MAN2A1: variants seen among roughly 807,000 people sequenced by gnomAD.
The protein encoded by MAN2A1 is mannosidase alpha class 2A member 1.
Under a neutral mutation model 142.6 loss-of-function variants are expected in MAN2A1, and 76 were observed. The ratio of observed to expected loss-of-function variants is 0.53; its 90% CI spans 0.44 to 0.65. MAN2A1 has a LOEUF of 0.65. MAN2A1 is among the 30% of genes least tolerant of loss of function. The pLI, the probability that MAN2A1 is intolerant of heterozygous loss-of-function variation, is 0.00. For missense variants in MAN2A1, 1,311 were observed against 1,365.1 expected, an observed-to-expected ratio of 0.96 and a Z score of 0.62; for synonymous variants, 559 against 473.2, an observed-to-expected ratio of 1.18 and a Z score of -2.35.
chr5:109,718,246 C>A (rs958693106), intron 3 of MAN2A1, among the ~76,000 whole-genome samples: 2 of 152,040 alleles, frequency 1.3e-5, no homozygotes, highest in Non-Finnish European at 2.9e-5. Context: ...CATATGAAGC[C>A]CACTTCTTCC....
intron 16 of MAN2A1, among the ~76,000 whole-genome samples, chr5:109,825,021 A>G (rs1754720831): frequency 6.6e-6 from 1 of 152,208 alleles, no homozygotes; most frequent in South Asian, 2.1e-4. Context: ...ATAATGCTAG[A>G]CACTAATTTT....
intron 5 of MAN2A1, 116 bp from the exon 6 acceptor site, chr5:109,767,419 C>A (rs1350080037): frequency 2.6e-6 from 2 of 779,516 alleles, no homozygotes; most frequent in Non-Finnish European, 4.0e-6. Context: ...CTGGGTAGAT[C>A]CTTGGTCTGA....
intron 4 of MAN2A1, among the ~76,000 whole-genome samples, chr5:109,734,099 A>G (rs1028313011): frequency 6.6e-6 from 1 of 151,964 alleles, no homozygotes; most frequent in Non-Finnish European, 1.5e-5. Flanking sequence ...GGGAGGGTGT[A>G]TGTGTCCAGG....
chr5:109,846,846 GC>G (rs923580953), intron 18 of MAN2A1, among the ~76,000 whole-genome samples: 1 of 152,074 alleles, frequency 6.6e-6, no homozygotes, highest in African/African-American at 2.4e-5. Flanking sequence ...ATAAACTCAT[GC>G]CATAAAGACA....
At chr5:109,757,645 T>G (rs1271021737) in intron 5 of MAN2A1, among the ~76,000 whole-genome samples, 1 of 152,150 alleles carries the variant, frequency 6.6e-6, no homozygotes, top group African/African-American at 2.4e-5. Context: ...TTTTAGAACT[T>G]TTTTCAACAT....
At chr5:109,834,306 C>T (rs1333998022) in intron 16 of MAN2A1, among the ~76,000 whole-genome samples, 1 of 152,092 alleles carries the variant, frequency 6.6e-6, no homozygotes, top group Non-Finnish European at 1.5e-5. Flanking sequence ...TTATTCACCT[C>T]GTAGGGGAGT....
chr5:109,804,326 T>G (rs1055815769), intron 12 of MAN2A1: 1 of 969,512 alleles, frequency 1.0e-6, no homozygotes, highest in Non-Finnish European at 1.2e-6. Flanking sequence ...TATTTCATCC[T>G]TATTCAGAGA....
At chr5:109,691,266 A>T (rs1028792129) in intron 1 of MAN2A1, among the ~76,000 whole-genome samples, 2 of 152,122 alleles carry the variant, frequency 1.3e-5, no homozygotes, top group Admixed American at 6.5e-5. Flanking sequence ...ACCCATCCAA[A>T]GTCTTATTTA....
rs533140064 is a variant in MAN2A1 at position 109,713,822 on chromosome 5, T to C, written c.390+48T>C. On this transcript the variant is annotated intron_variant, in intron 2 of 21. Transcript: ENST00000261483. Reference sequence around the variant, plus strand: ...ATCACTGGCCTTTTTTTTTTTTTGTTCTTTTTAAGATTTGACCTGATGTCT... The same window carrying C: ...ATCACTGGCCTTTTTTTTTTTTTGTCCTTTTTAAGATTTGACCTGATGTCT... 3 of 1,531,904 alleles carry C rather than the reference T, an allele frequency of 2.0e-6. No individual in the cohort carries two copies. In the East Asian group the frequency reaches 6.8e-5, roughly 35 times the overall value. 94.9% of individuals were successfully genotyped at this position (1,531,904 alleles called of 1,614,324 possible).
chr5:109,819,854 T>A lies in MAN2A1; in HGVS notation c.2295T>A (p.Val765=). ...EEGITLENSF[V]LLRFDQTGLM... ...GTATAACACTAGAGAACTCCTTTGT[T>A]TTACTTCGGTTTGATCAAACTGGAC... Residue 765 remains valine, a synonymous_variant, in exon 14 of 22, where the codon GTT becomes GTA. Coordinates refer to ENST00000261483, the MANE Select transcript of MAN2A1 (RefSeq NM_002372.4). The A allele has an allele frequency of 6.2e-7, 1 of 1,601,706 alleles. No individual in the cohort carries two copies. Among genetic ancestry groups the A allele is most frequent in the Non-Finnish European group, 8.5e-7 (1 of 1,175,250 alleles).
At chr5:109,789,089 T>G (rs763964085) in intron 11 of MAN2A1, 41 bp downstream of exon 11, 5 of 1,036,072 alleles carry the variant, frequency 4.8e-6, no homozygotes, top group Non-Finnish European at 7.3e-6. Flanking sequence ...AATGTGTAAT[T>G]CCATTGTTCT....
chr5:109,807,877 A>G (rs980012792), intron 12 of MAN2A1, among the ~76,000 whole-genome samples: 1 of 152,188 alleles, frequency 6.6e-6, no homozygotes, highest in Admixed American at 6.5e-5. Context: ...TGCCTAAGCT[A>G]TCAACTTGAA....
In MAN2A1 at chr5:109,813,326, T is replaced by G. The variant is rs146139458; in HGVS notation, c.1944-3947T>G. On this transcript the variant is annotated intron_variant, in intron 12 of 21. Coordinates refer to ENST00000261483, the MANE Select transcript of MAN2A1 (RefSeq NM_002372.4). ...ACTAAGGGAATCTCCACAGGAAACTTCAGCTGTCACAACTGTCACAAAGAT... is the reference window on the plus strand; with the variant it reads ...ACTAAGGGAATCTCCACAGGAAACTGCAGCTGTCACAACTGTCACAAAGAT... Among the ~76,000 whole-genome samples, 979 of 152,340 alleles carry G rather than the reference T, an allele frequency of 6.4e-3. 7 individuals are homozygous for G. Among genetic ancestry groups the G allele is most frequent in the Admixed American group, 0.025 (389 of 15,300 alleles).
chr5:109,690,884 C>G (rs571428845), intron 1 of MAN2A1, among the ~76,000 whole-genome samples: 14 of 152,218 alleles, frequency 9.2e-5, no homozygotes, highest in African/African-American at 3.4e-4. Context: ...GAGGCACCCC[C>G]CGCCAGCCCG....
In MAN2A1 at chr5:109,780,582, T is replaced by C. The variant is rs375689371; in HGVS notation, c.1375-814T>C. Among the ~76,000 whole-genome samples, 14 of 152,166 alleles carry C rather than the reference T, an allele frequency of 9.2e-5. 1 individual carries two copies. Among genetic ancestry groups the C allele is most frequent in the Admixed American group, 2.6e-4 (4 of 15,282 alleles). Reference sequence around the variant, plus strand: ...TAGGAAACAACAAAATCCGCATCTTTCTTTTAAAAGGAACACATTCCCTGT... The same window carrying C: ...TAGGAAACAACAAAATCCGCATCTTCCTTTTAAAAGGAACACATTCCCTGT... On this transcript the variant is annotated intron_variant, in intron 8 of 21. Transcript: ENST00000261483.
chr5:109,826,922 G>C (rs374843076), intron 16 of MAN2A1, among the ~76,000 whole-genome samples: 3 of 152,338 alleles, frequency 2.0e-5, no homozygotes, highest in African/African-American at 7.2e-5. Context: ...TTTCATTTTA[G>C]ATGCAAAGGA....
Position 109,852,077 on chromosome 5 carries a change from A to G in MAN2A1, c.2977-3063A>G, listed in dbSNP as rs994685233. Among the ~76,000 whole-genome samples, 5 of 151,206 alleles carry G rather than the reference A, an allele frequency of 3.3e-5. No homozygotes were observed. In the South Asian group the frequency reaches 6.3e-4, roughly 19 times the overall value. On this transcript the variant is annotated intron_variant, in intron 19 of 21. Coordinates refer to ENST00000261483, the MANE Select transcript of MAN2A1 (RefSeq NM_002372.4). Reference sequence around the variant, plus strand: ...CAGTTTCTTGGGTAAAAAACAAAAAATGTGTTTTGGGTTTTTTGAGGTTGC... The same window carrying G: ...CAGTTTCTTGGGTAAAAAACAAAAAGTGTGTTTTGGGTTTTTTGAGGTTGC...
At chr5:109,798,670 GTTTGT>G (rs146995078) in intron 12 of MAN2A1, among the ~76,000 whole-genome samples, 4,115 of 151,966 alleles carry the variant, frequency 0.027, 186 homozygotes, top group African/African-American at 0.094. Context: ...TGTTTTGTTT[GTTTGT>G]TTTGTTTTGT....
At chr5:109,793,169 G>C (rs2112684205) in intron 12 of MAN2A1, among the ~76,000 whole-genome samples, 1 of 152,136 alleles carries the variant, frequency 6.6e-6, no homozygotes, top group African/African-American at 2.4e-5. Context: ...TTCATGTACG[G>C]AGTAACCTCA....
Sources: allele counts gnomAD v4.1 joint callset (sites outside exome capture counted in the v4.1 genomes callset), GRCh38; gene constraint gnomAD v4.1.1; transcripts MANE v1.5; gene names NCBI Gene and HGNC (gene_info 2026-07-23, HGNC 2026-07-21).